ADSL: variants seen among roughly 807,000 people sequenced by gnomAD.
The protein encoded by ADSL is adenylosuccinate lyase, also known as adenylosuccinase.
In ADSL, 44 loss-of-function variants were observed where a neutral mutation model predicts 62.1. The ratio of observed to expected loss-of-function variants is 0.71; its 90% CI spans 0.56 to 0.91. The LOEUF (loss-of-function observed/expected upper bound fraction) is 0.91, where lower values mean the gene tolerates loss of function less well. ADSL is among the 40% of genes least tolerant of loss of function. ADSL has a pLI of 0.00. For missense variants in ADSL, 531 were observed against 627.4 expected (o/e 0.85, Z 1.64); for synonymous variants, 198 against 220.5 (o/e 0.90, Z 0.90).
intron 2 of ADSL, among the ~76,000 whole-genome samples, chr22:40,386,562 CT>C (rs60319316): frequency 0.029 from 1,951 of 68,332 alleles, 60 homozygotes; most frequent in African/African-American, 0.1. Context: ...AATTTTCTTA[CT>C]TTTTTTTTTT....
In ADSL at chr22:40,376,178, C is replaced by CTTTTTTTTTTTTT. The variant is rs10616868; in HGVS notation, c.89+9700_89+9712dup. 3 of 86,874 alleles carry CTTTTTTTTTTTTT rather than the reference C, an allele frequency of 3.5e-5. 1 individual carries two copies. Among genetic ancestry groups the CTTTTTTTTTTTTT allele is most frequent in the Non-Finnish European group, 6.8e-5 (3 of 44,354 alleles). 5.4% of individuals were successfully genotyped at this position (86,874 alleles called of 1,614,324 possible). Reference sequence around the variant, plus strand: ...GGATAGGGTTAAAGTCAAATTACCACTTTTTTTTTTTTTTTTTTTTTTTTT... The same window carrying CTTTTTTTTTTTTT: ...GGATAGGGTTAAAGTCAAATTACCACTTTTTTTTTTTTTTTTTTTTTTTTTTTTTTTTTTTTTT... On this transcript the variant is annotated intron_variant, in intron 2 of 2. Coordinates refer to the ADSL transcript ENST00000498234.
At chr22:40,371,839 G>GGCGCCCGCCACC (rs1181355000), downstream of ADSL, among the ~76,000 whole-genome samples, 2 of 151,860 alleles carry the variant, frequency 1.3e-5, no homozygotes, top group Non-Finnish European at 2.9e-5. Context: ...TGGGATTACA[G>GGCGCCCGCCACC]GCGCCCGCCA....
At chr22:40,354,387 CTCT>C in intron 4 of ADSL, 60 bp downstream of exon 4, 1 of 1,300,894 alleles carries the variant, frequency 7.7e-7, no homozygotes, top group Non-Finnish European at 1.1e-6. Context: ...TTCTTGAGTT[CTCT>C]GTTTTCCACA....
In ADSL at chr22:40,353,620, C is replaced by CCTT. The variant is rs200054649; in HGVS notation, c.402+504_402+506dup. Among the ~76,000 whole-genome samples the CCTT allele has an allele frequency of 9.2e-4, 125 of 135,990 alleles. 3 individuals are homozygous for CCTT. Among genetic ancestry groups the CCTT allele is most frequent in the Admixed American group, 4.0e-3 (44 of 11,134 alleles). 89.2% of individuals were successfully genotyped at this position (135,990 alleles called of 152,430 possible). ...AGACTAAATGGTTTTTAAAGCATAG[C>CCTT]CTTTTTTTTTTTTTTTTTTTTTTGA... On this transcript the variant is annotated intron_variant, in intron 3 of 12. Transcript: ENST00000623063.
downstream of ADSL, chr22:40,372,674 G>C (rs2045819348): frequency 6.6e-6 from 1 of 152,210 alleles, no homozygotes. Flanking sequence ...TATTGAGAAG[G>C]GAAGGGAGGA....
intron 10 of ADSL, among the ~76,000 whole-genome samples, 193 bp from the exon 11 acceptor site, chr22:40,364,083 A>T (rs1421046933): frequency 6.6e-6 from 1 of 152,182 alleles, no homozygotes; most frequent in African/African-American, 2.4e-5. Context: ...TCTCAAAAAA[A>T]AAAGAAAAAA....
chr22:40,386,111 CT>C lies in ADSL; in HGVS notation c.90-4118del, dbSNP rs1195522264. Among the ~76,000 whole-genome samples the C allele has an allele frequency of 3.3e-5, 5 of 151,894 alleles. No individual in the cohort carries two copies. The East Asian group carries it at 7.7e-4, about 23-fold the overall frequency. The stretch of plus-strand genomic sequence containing the variant: ...CCCAGGCTGGTCTTGAACTCCTGCA[CT>C]CAAGCAATCCATCTGCCTTGGCCTC... On this transcript the variant is annotated intron_variant, in intron 2 of 2. Coordinates refer to the ADSL transcript ENST00000498234.
intron 12 of ADSL, among the ~76,000 whole-genome samples, chr22:40,366,116 T>C (rs2044995238): frequency 6.6e-6 from 1 of 151,812 alleles, no homozygotes; most frequent in South Asian, 2.1e-4. Context: ...GTTAAGCTCT[T>C]GGTGGCTACT....
intron 3 of ADSL, 175 bp downstream of exon 3, chr22:40,353,292 C>G: frequency 1.4e-6 from 1 of 708,306 alleles, no homozygotes; most frequent in Non-Finnish European, 2.6e-6. Flanking sequence ...CTCCTTTCTT[C>G]TTCTCTTCCT....
intron 1 of ADSL, chr22:40,348,781 T>G (rs1053788621): frequency 5.1e-6 from 2 of 392,586 alleles, no homozygotes; most frequent in South Asian, 1.4e-4. Flanking sequence ...AGATGCAAGA[T>G]CCTTCCCGGA....
At chr22:40,361,704 AG>A in intron 9 of ADSL, 69 bp downstream of exon 9, 1 of 1,580,460 alleles carries the variant, frequency 6.3e-7, no homozygotes, top group Non-Finnish European at 8.6e-7. Flanking sequence ...TAGAAGTAAA[AG>A]GACATATTTG....
chr22:40,354,915 ATAAG>A (rs1174105200), intron 4 of ADSL, among the ~76,000 whole-genome samples: 1 of 152,136 alleles, frequency 6.6e-6, no homozygotes, highest in African/African-American at 2.4e-5. Context: ...TAATAAGAGA[ATAAG>A]TAAGGCATAG....
intron 4 of ADSL, among the ~76,000 whole-genome samples, chr22:40,355,320 G>A (rs1433060471): frequency 6.6e-6 from 1 of 151,808 alleles, no homozygotes; most frequent in Non-Finnish European, 1.5e-5. Flanking sequence ...TTTTTTTATT[G>A]TTTGGAGAGA....
At chr22:40,371,783 G>A (rs2045542204), downstream of ADSL, among the ~76,000 whole-genome samples, 1 of 151,604 alleles carries the variant, frequency 6.6e-6, no homozygotes, top group Non-Finnish European at 1.5e-5. Context: ...TGCAAGCTCC[G>A]CCTCCCGGAT....
At chr22:40,379,984 T>C (rs1198145382) in intron 2 of ADSL, among the ~76,000 whole-genome samples, 1 of 152,178 alleles carries the variant, frequency 6.6e-6, no homozygotes, top group Non-Finnish European at 1.5e-5. Flanking sequence ...GTGCTGGGAT[T>C]ATAGGTGTGA....
intron 1 of ADSL, chr22:40,348,262 G>C: frequency 2.5e-6 from 1 of 396,586 alleles, no homozygotes; most frequent in Non-Finnish European, 4.4e-6. Flanking sequence ...CTTTGCTTTG[G>C]AAGGAGCCCA....
intron 4 of ADSL, among the ~76,000 whole-genome samples, chr22:40,355,685 A>G (rs1336551735): frequency 6.6e-6 from 1 of 152,228 alleles, no homozygotes; most frequent in Non-Finnish European, 1.5e-5. Context: ...GAACAAGTCC[A>G]TGCTAATTTA....
chr22:40,387,383 A>G, intron 2 of ADSL: 1 of 390,326 alleles, frequency 2.6e-6, no homozygotes, highest in East Asian at 3.6e-5. Flanking sequence ...ATAGATGGTA[A>G]TGGCAAATAA....
In ADSL at chr22:40,359,513, C is replaced by CTGACATAT. The variant is rs2044696543; in HGVS notation, c.701+209_701+216dup. On this transcript the variant is annotated intron_variant, in intron 6 of 12. Transcript: ENST00000623063. ...TTTTTTTTTTCGCCTAATCGTCTTG[C>CTGACATAT]TGACATATTTTCTGGATTTCATTTT... Among the ~76,000 whole-genome samples, 8 of 61,500 alleles carry CTGACATAT rather than the reference C, an allele frequency of 1.3e-4. No individual in the cohort carries two copies. In the South Asian group the frequency reaches 4.5e-3, roughly 35 times the overall value. The allele number at this position is 61,500 out of a possible 152,430, so 40.3% of individuals were successfully genotyped here. A position where few individuals can be genotyped will look rare whatever the true frequency, so the allele number is the denominator to read the frequency against.
Sources: gnomAD v4.1 joint callset for allele counts (sites outside exome capture counted in the v4.1 genomes callset) on GRCh38, gnomAD v4.1.1 for gene constraint, MANE v1.5 for transcripts, NCBI Gene and HGNC (gene_info 2026-07-23, HGNC 2026-07-21) for gene names.